Variants in LRMDA observed in about 807,000 individuals in gnomAD.
LRMDA encodes leucine-rich melanocyte differentiation-associated protein.
In LRMDA, 18 loss-of-function variants were observed where a neutral mutation model predicts 29.8. The observed-to-expected ratio is 0.60, with a 90% CI of 0.42 to 0.90. The LOEUF is 0.90. Ranked by LOEUF, LRMDA falls within the 40% of genes least tolerant of loss-of-function variation. The pLI is 0.00. For missense variants in LRMDA, 273 were observed against 273.9 expected (o/e 1.00, Z 0.02); for synonymous variants, 125 against 109.4 (o/e 1.14, Z -0.89).
intron 5 of LRMDA, among the ~76,000 whole-genome samples, chr10:76,160,322 T>G (rs1399695524): frequency 1.3e-5 from 2 of 151,914 alleles, no homozygotes; most frequent in Non-Finnish European, 2.9e-5. Flanking sequence ...TAATTGAAAG[T>G]AAAAAGTTCT....
rs1360363066 is a variant in LRMDA, at chr10:76,497,537, T to G, written c.602-59672T>G. Among the ~76,000 whole-genome samples, 2 of 75,490 alleles carry G rather than the reference T, an allele frequency of 2.6e-5. 1 individual carries two copies. Among genetic ancestry groups the G allele is most frequent in the East Asian group, 5.0e-4 (2 of 3,964 alleles). The allele number at this position is 75,490 out of a possible 152,430, so 49.5% of individuals were successfully genotyped here. On this transcript the variant is annotated intron_variant, in intron 6 of 6. Coordinates refer to ENST00000611255, the MANE Select transcript of LRMDA (RefSeq NM_001305581.2). ...TTCAACTCAAGTATACCCCACTGAC[T>G]CTATTCAGTAGAGAGATGGCAAAAG... is the stretch of plus-strand genomic sequence containing the variant.
chr10:75,933,650 C>T (rs1423534541), intron 2 of LRMDA, among the ~76,000 whole-genome samples: 1 of 152,100 alleles, frequency 6.6e-6, no homozygotes, highest in Non-Finnish European at 1.5e-5. Context: ...ACTCTGCACC[C>T]ACTACCACCT....
intron 2 of LRMDA, among the ~76,000 whole-genome samples, chr10:75,918,084 C>T (rs1332410835): frequency 6.6e-6 from 1 of 152,134 alleles, no homozygotes; most frequent in Non-Finnish European, 1.5e-5. Flanking sequence ...CTTCCAAGCT[C>T]TAGACAACCT....
chr10:75,847,765 C>A (rs754626452), intron 2 of LRMDA, among the ~76,000 whole-genome samples: 2 of 152,052 alleles, frequency 1.3e-5, no homozygotes, highest in African/African-American at 4.8e-5. Flanking sequence ...CATCACTAAT[C>A]ATAAGGGGAA....
intron 2 of LRMDA, among the ~76,000 whole-genome samples, chr10:75,881,727 A>G (rs1293956233): frequency 2.0e-5 from 3 of 152,198 alleles, no homozygotes; most frequent in Admixed American, 6.5e-5. Context: ...CCCCCAAAAG[A>G]TTCTGTAACC....
intron 2 of LRMDA, among the ~76,000 whole-genome samples, chr10:75,905,869 G>A (rs57188199): frequency 0.018 from 2,686 of 152,172 alleles, 76 homozygotes; most frequent in African/African-American, 0.061. Flanking sequence ...GCATTCAGCC[G>A]AGCCATTAGT....
chr10:75,483,200 G>A (rs963375291), intron 2 of LRMDA, among the ~76,000 whole-genome samples: 3 of 152,154 alleles, frequency 2.0e-5, no homozygotes, highest in Non-Finnish European at 4.4e-5. Context: ...ACCCGCCTCA[G>A]CCTCCTAAAG....
At chr10:75,816,061 A>G (rs954910295) in intron 2 of LRMDA, among the ~76,000 whole-genome samples, 6 of 152,176 alleles carry the variant, frequency 3.9e-5, no homozygotes, top group East Asian at 1.9e-4. Flanking sequence ...TGCTGCAGCT[A>G]TGATCTTTCA....
At chr10:76,489,152 T>C (rs1842809691) in intron 6 of LRMDA, among the ~76,000 whole-genome samples, 1 of 151,978 alleles carries the variant, frequency 6.6e-6, no homozygotes, top group Non-Finnish European at 1.5e-5. Flanking sequence ...CCCAGGCTTT[T>C]CTTTGCTGGG....
intron 5 of LRMDA, among the ~76,000 whole-genome samples, chr10:76,105,220 T>C (rs192513679): frequency 1.3e-5 from 2 of 152,206 alleles, no homozygotes; most frequent in Non-Finnish European, 2.9e-5. Context: ...AATATTATGC[T>C]TAATATTTAT....
intron 6 of LRMDA, among the ~76,000 whole-genome samples, chr10:76,326,737 G>A (rs1280173817): frequency 6.6e-6 from 1 of 152,098 alleles, no homozygotes; most frequent in Non-Finnish European, 1.5e-5. Flanking sequence ...AACTTCCAAT[G>A]TCAACTATGA....
chr10:75,769,220 C>G (rs1022937971), intron 2 of LRMDA, among the ~76,000 whole-genome samples: 3 of 152,170 alleles, frequency 2.0e-5, no homozygotes, highest in African/African-American at 7.2e-5. Flanking sequence ...TCACTTCCAG[C>G]AAGTTATAAA....
rs558017145 is a variant in LRMDA, at chr10:76,477,097, G to A, written c.602-80112G>A. 3.9e-5 allele frequency among the ~76,000 whole-genome samples: 6 copies of A among 152,284 alleles called. No individual in the cohort carries two copies. The South Asian group carries it at 1.0e-3, about 26-fold the overall frequency. The stretch of plus-strand genomic sequence containing the variant: ...AATAAAGGGCATTCAATTAGGAAAA[G>A]AGGAAGTCTAATTGTCCCTGTTTGC... On this transcript the variant is annotated intron_variant, in intron 6 of 6. Transcript: ENST00000611255.
At chr10:75,468,200 T>C (rs1438590224) in intron 2 of LRMDA, among the ~76,000 whole-genome samples, 2 of 152,200 alleles carry the variant, frequency 1.3e-5, no homozygotes, top group African/African-American at 4.8e-5. Flanking sequence ...CCCAAAGGAC[T>C]TCACATAAAT....
At chr10:75,985,904 C>G (rs930713040) in intron 2 of LRMDA, among the ~76,000 whole-genome samples, 1 of 152,218 alleles carries the variant, frequency 6.6e-6, no homozygotes, top group African/African-American at 2.4e-5. Context: ...CAAGGAAAAT[C>G]AAACCTGTGC....
intron 6 of LRMDA, among the ~76,000 whole-genome samples, chr10:76,501,717 C>T (rs1239354897): frequency 6.6e-6 from 1 of 151,540 alleles, no homozygotes; most frequent in Non-Finnish European, 1.5e-5. Flanking sequence ...TTCTTTATTG[C>T]TTGTTGATTT....
chr10:75,454,386 G>T (rs1244253765), intron 2 of LRMDA, among the ~76,000 whole-genome samples: 1 of 152,138 alleles, frequency 6.6e-6, no homozygotes, highest in Non-Finnish European at 1.5e-5. Context: ...GGTCAGAGAG[G>T]CCTTGCATCC....
At chr10:75,503,296 C>T (rs1024810631) in intron 2 of LRMDA, among the ~76,000 whole-genome samples, 25 of 151,870 alleles carry the variant, frequency 1.6e-4, no homozygotes, top group Non-Finnish European at 2.2e-4. Flanking sequence ...TCATTGGCTT[C>T]TTCTAGAACA....
chr10:76,306,554 C>T (rs1411937267), intron 5 of LRMDA, among the ~76,000 whole-genome samples: 1 of 152,184 alleles, frequency 6.6e-6, no homozygotes, highest in African/African-American at 2.4e-5. Context: ...ACATTGTCCT[C>T]ATCCTCAACA....
Sources: allele counts gnomAD v4.1 joint callset (sites outside exome capture counted in the v4.1 genomes callset), GRCh38; gene constraint gnomAD v4.1.1; transcripts MANE v1.5; gene names NCBI Gene and HGNC (gene_info 2026-07-23, HGNC 2026-07-21).